The following MAL variants were observed in gnomAD, a reference collection of about 807,000 sequenced individuals.
MAL encodes the protein mal, T cell differentiation protein (MAL blood group).
Under a neutral mutation model 16.7 loss-of-function variants are expected in MAL, and 5 were observed. That is an observed-to-expected ratio of 0.30 (90% CI 0.16 to 0.63). The LOEUF (loss-of-function observed/expected upper bound fraction) is 0.63, where lower values mean the gene tolerates loss of function less well. MAL is among the 30% of genes least tolerant of loss of function. MAL has a pLI of 0.82. For synonymous variants in MAL, 96 were observed against 85.5 expected (o/e 1.12, Z -0.67); for missense variants, 202 against 195.8 (o/e 1.03, Z -0.19).
intron 1 of MAL, among the ~76,000 whole-genome samples, chr2:95,038,302 T>G (rs1401082631): frequency 0.015 from 717 of 46,718 alleles, 1 homozygote; most frequent in Middle Eastern, 0.083. Flanking sequence ...GTGAGTGACT[T>G]GGTGAGTGAG....
chr2:95,027,138 G>A (rs777420064), intron 1 of MAL, among the ~76,000 whole-genome samples: 1 of 152,090 alleles, frequency 6.6e-6, no homozygotes, highest in Non-Finnish European at 1.5e-5. Flanking sequence ...CAGCCCCACC[G>A]TTTACAGAGA....
chr2:95,046,208 G>T (rs563483953), intron 1 of MAL, among the ~76,000 whole-genome samples: 1 of 152,328 alleles, frequency 6.6e-6, no homozygotes, highest in South Asian at 2.1e-4. Context: ...GAGGTGGGGG[G>T]GTCAAGGTGC....
chr2:95,049,611 T>C lies in MAL; in HGVS notation c.292T>C (p.Phe98Leu), dbSNP rs367581116. ...DAAYHCTAAL[F>L]YLSASVLEAL... The stretch of plus-strand genomic sequence containing the variant: ...AGCCTACCACTGCACCGCTGCCCTC[T>C]TTTACCTCAGCGCCTCAGTCCTGGA... The change falls in exon 3 of 4, where the codon TTT (phenylalanine) becomes CTT (leucine). Residue 98 changes from phenylalanine (F) to leucine (L), a missense_variant. Phe to Leu is a conservative substitution (Grantham distance 22). Transcript: ENST00000309988. 2 of 1,614,080 alleles carry C rather than the reference T, an allele frequency of 1.2e-6. No homozygotes were observed. Among genetic ancestry groups the C allele is most frequent in the Non-Finnish European group, 1.7e-6 (2 of 1,180,040 alleles).
intron 1 of MAL, among the ~76,000 whole-genome samples, chr2:95,039,487 A>C (rs918925925): frequency 3.3e-5 from 5 of 150,534 alleles, no homozygotes; most frequent in Middle Eastern, 3.5e-3. Flanking sequence ...TAAGTGACTG[A>C]GTGACTGAGT....
intron 1 of MAL, among the ~76,000 whole-genome samples, 169 bp from the exon 2 acceptor site, chr2:95,047,790 C>T (rs552900738): frequency 1.3e-5 from 2 of 152,290 alleles, no homozygotes; most frequent in South Asian, 4.1e-4. Flanking sequence ...GCACAGGGCC[C>T]TGGGGGGACT....
rs903657131 is a variant in MAL, at chr2:95,047,888, G to A, written c.94-71G>A. On this transcript the variant is annotated intron_variant, in intron 1 of 3. Transcript: ENST00000309988. ...TGCACTCCAGTCACCCCATGTGACC[G>A]CTGGTCGGGGGCCCTTCCTGGGCTG... The A allele has an allele frequency of 3.2e-5, 48 of 1,488,350 alleles. 1 individual carries two copies. Among genetic ancestry groups the A allele is most frequent in the South Asian group, 2.9e-4 (24 of 81,400 alleles). The allele number at this position is 1,488,350 out of a possible 1,614,324, so 92.2% of individuals were successfully genotyped here.
rs762798081 is a variant in MAL, at chr2:95,049,720, C to G, written c.387+14C>G. On this transcript the variant is annotated intron_variant, in intron 3 of 3. Coordinates refer to ENST00000309988, the MANE Select transcript of MAL (RefSeq NM_002371.4). ...ATTGCTGCCGTGGTGAGTCCGGGCA[C>G]CTGGGGCTGTGTCCACAGCGGGCGG... The G allele has an allele frequency of 4.3e-6, 7 of 1,613,910 alleles. No individual in the cohort carries two copies. Among genetic ancestry groups the G allele is most frequent in the Non-Finnish European group, 3.4e-6 (4 of 1,179,984 alleles).
chr2:95,041,191 A>T (rs536280804), intron 1 of MAL, among the ~76,000 whole-genome samples: 1 of 152,310 alleles, frequency 6.6e-6, no homozygotes, highest in East Asian at 1.9e-4. Context: ...GCCACAGGGA[A>T]TGGAAACTCC....
At chr2:95,028,317 G>A (rs958472524) in intron 1 of MAL, among the ~76,000 whole-genome samples, 1 of 151,366 alleles carries the variant, frequency 6.6e-6, no homozygotes, top group African/African-American at 2.4e-5. Context: ...AGTGAGACTC[G>A]GTCTCAAAAA....
At chr2:95,051,137 G>T (rs1674706144) in intron 3 of MAL, among the ~76,000 whole-genome samples, 1 of 152,200 alleles carries the variant, frequency 6.6e-6, no homozygotes, top group African/African-American at 2.4e-5. Flanking sequence ...CGCTGGGCAG[G>T]TCTCTAGTTG....
At chr2:95,047,515 G>A (rs1206559208) in intron 1 of MAL, among the ~76,000 whole-genome samples, 2 of 152,190 alleles carry the variant, frequency 1.3e-5, no homozygotes, top group Non-Finnish European at 2.9e-5. Context: ...GAGGTCAGGA[G>A]TTCAAGACCA....
In MAL at chr2:95,048,075, C is replaced by G; in HGVS notation, c.210C>G (p.Ile70Met). The G allele has an allele frequency of 6.2e-7, 1 of 1,613,854 alleles. No homozygotes were observed. The highest frequency in any genetic ancestry group is 8.5e-7 in the Non-Finnish European group (1 of 1,179,810). Reference protein sequence around the residue: ...VFCFVATTTLIILYIIGAHGG... With the variant: ...VFCFVATTTLMILYIIGAHGG... ...GCTTCGTGGCCACCACCACCTTGAT[C>G]ATCCTGTACATAATTGGAGCCCACG... is the stretch of plus-strand genomic sequence containing the variant. The change falls in exon 2 of 4, where the codon ATC (isoleucine) becomes ATG (methionine). Residue 70 changes from isoleucine to methionine, a missense_variant. Transcript: ENST00000309988.
intron 3 of MAL, among the ~76,000 whole-genome samples, chr2:95,052,698 G>T (rs1245145385): frequency 6.6e-6 from 1 of 152,180 alleles, no homozygotes; most frequent in Non-Finnish European, 1.5e-5. Context: ...GTGCCCAGGA[G>T]GACACAGCAA....
intron 3 of MAL, 80 bp downstream of exon 3, chr2:95,049,786 C>T (rs1674678207): frequency 2.2e-5 from 34 of 1,573,426 alleles, no homozygotes; most frequent in Non-Finnish European, 2.9e-5. Context: ...TGCCTAGGCC[C>T]TTGGTCTGTT....
chr2:95,038,256 CTGAG>C (rs1165110542), intron 1 of MAL, among the ~76,000 whole-genome samples: 3 of 113,248 alleles, frequency 2.6e-5, no homozygotes, highest in East Asian at 2.7e-4. Flanking sequence ...GAGTGACTGA[CTGAG>C]TGAGTGAGAG....
At chr2:95,033,204 C>G (rs1272960039) in intron 1 of MAL, among the ~76,000 whole-genome samples, 3 of 152,174 alleles carry the variant, frequency 2.0e-5, no homozygotes, top group Non-Finnish European at 4.4e-5. Context: ...CGGGGAAGGA[C>G]AGAAGATGAC....
intron 2 of MAL, among the ~76,000 whole-genome samples, 191 bp downstream of exon 2, chr2:95,048,317 G>A (rs1000682959): frequency 2.0e-5 from 3 of 152,128 alleles, no homozygotes; most frequent in African/African-American, 7.2e-5. Context: ...AGGCAAGGTC[G>A]CCGCTGCCAA....
Position 95,053,489 on chromosome 2 carries a change from G to A in MAL, c.*34G>A. The A allele has an allele frequency of 6.7e-7, 1 of 1,492,464 alleles. No homozygotes were observed. Among genetic ancestry groups the A allele is most frequent in the Non-Finnish European group, 9.3e-7 (1 of 1,069,628 alleles). 92.5% of individuals were successfully genotyped at this position (1,492,464 alleles called of 1,614,324 possible). On this transcript the variant is annotated 3_prime_UTR_variant, in exon 4 of 4. Transcript: ENST00000309988. ...TAGAACTTGAGCTGAAAACCCAGAT[G>A]GTGTTAACTGGCCGCCCCACTTTCC...
intron 1 of MAL, among the ~76,000 whole-genome samples, chr2:95,038,717 T>C (rs1415527428): frequency 2.0e-5 from 3 of 150,716 alleles, no homozygotes; most frequent in Non-Finnish European, 4.4e-5. Flanking sequence ...GGTGAGTGAC[T>C]GACTGAGTAA....
Sources: gnomAD v4.1 joint callset for allele counts (sites outside exome capture counted in the v4.1 genomes callset) on GRCh38, gnomAD v4.1.1 for gene constraint, MANE v1.5 for transcripts, NCBI Gene and HGNC (gene_info 2026-07-23, HGNC 2026-07-21) for gene names.